Variants in PSME4 observed in about 807,000 individuals in gnomAD.
PSME4 encodes the protein proteasome activator subunit 4.
In PSME4, 89 loss-of-function variants were observed where a neutral mutation model predicts 253.9. The observed-to-expected ratio is 0.35, with a 90% CI of 0.30 to 0.42. The LOEUF is 0.42. PSME4 is among the 10% of genes least tolerant of loss of function. The pLI is 1.00. For synonymous variants in PSME4, 851 were observed against 759.2 expected (o/e 1.12, Z -1.99); for missense variants, 2,014 against 2,195.2 (o/e 0.92, Z 1.65).
rs141924008 is a variant in PSME4 at position 53,895,639 on chromosome 2, T to C, written c.3786A>G (p.Glu1262=). ...DSKTIPRTKK[E]WESSCFVEKT... ...TTTCCACAAAGCAACTTGACTCCCA[T>C]TCTTTTTTAGTTCTTGGTATAGTTT... Residue 1262 remains glutamate (E), a synonymous_variant, in exon 33 of 47, where the codon GAA becomes GAG. Transcript: ENST00000404125. 7.4e-6 allele frequency: 12 copies of C among 1,613,732 alleles called. No homozygotes were observed. In the African/African-American group the frequency reaches 1.3e-4, roughly 18 times the overall value.
chr2:53,965,526 AT>A (rs1401474929), intron 1 of PSME4, among the ~76,000 whole-genome samples: 5 of 149,442 alleles, frequency 3.3e-5, no homozygotes, highest in African/African-American at 9.8e-5. Flanking sequence ...CATCCAAGTG[AT>A]TTTTCCAGCA....
intron 3 of PSME4, among the ~76,000 whole-genome samples, chr2:53,947,452 T>C (rs1381924675): frequency 6.6e-6 from 1 of 152,212 alleles, no homozygotes; most frequent in Non-Finnish European, 1.5e-5. Flanking sequence ...ACGCCTGTAA[T>C]CCCAGCACTT....
chr2:53,906,706 T>A lies in PSME4; in HGVS notation c.2848-13A>T, dbSNP rs1279266930. ...TTAGTGTCCGTAGCTAAGAAAACAA[T>A]CGCAAACATTTACTAAAATTTGATT... is the stretch of plus-strand genomic sequence containing the variant. On this transcript the variant is annotated splice_polypyrimidine_tract_variant and intron_variant, in intron 25 of 46. Coordinates refer to ENST00000404125, the MANE Select transcript of PSME4 (RefSeq NM_014614.3). 5.0e-6 allele frequency: 8 copies of A among 1,594,542 alleles called. No individual in the cohort carries two copies. Among genetic ancestry groups the A allele is most frequent in the Non-Finnish European group, 6.8e-6 (8 of 1,172,280 alleles).
At chr2:53,950,857 AG>A (rs1177364016) in intron 1 of PSME4, among the ~76,000 whole-genome samples, 29 of 151,524 alleles carry the variant, frequency 1.9e-4, no homozygotes, top group African/African-American at 6.5e-4. Context: ...AAAAAAAAAA[AG>A]AAAAGAAAAA....
At chr2:53,897,375 G>A (rs1680192062) in intron 31 of PSME4, among the ~76,000 whole-genome samples, 2 of 151,858 alleles carry the variant, frequency 1.3e-5, no homozygotes, top group African/African-American at 4.8e-5. Flanking sequence ...CTCCATGTTG[G>A]TCAGGCTGGT....
chr2:53,910,015 C>T, intron 21 of PSME4, 60 bp downstream of exon 21: 1 of 1,306,440 alleles, frequency 7.7e-7, no homozygotes, highest in Non-Finnish European at 1.1e-6. Flanking sequence ...CATTTTAGTC[C>T]TTGTGGAGTT....
chr2:53,872,731 G>A (rs1678936275), intron 43 of PSME4, among the ~76,000 whole-genome samples: 1 of 34,772 alleles, frequency 2.9e-5, no homozygotes, highest in African/African-American at 1.2e-4. Flanking sequence ...AACAAAGCAA[G>A]ACTTGGTCTC....
At chr2:53,939,344 G>A (rs574481779) in intron 4 of PSME4, among the ~76,000 whole-genome samples, 6 of 152,032 alleles carry the variant, frequency 3.9e-5, no homozygotes, top group Admixed American at 6.6e-5. Flanking sequence ...GTTCAAGTAC[G>A]TAAAATTGAG....
chr2:53,931,047 G>A (rs1021652947), intron 10 of PSME4, among the ~76,000 whole-genome samples: 2 of 152,204 alleles, frequency 1.3e-5, no homozygotes, highest in Non-Finnish European at 2.9e-5. Flanking sequence ...GGAGGCCAAG[G>A]CGAGTGGATC....
At position 53,922,567 on chromosome 2, in the gene PSME4, C is replaced by G. The variant is rs1558686800; in HGVS notation, c.1996G>C (p.Asp666His). ...AGTAATTCCTTGTCTAGCTCTTCAT[C>G]ATTTAATACATCATCATCTAAAAAC... ...QLTMNDDVLN[D>H]EELDKELLWN... The change falls in exon 17 of 47, where the codon GAT becomes CAT. Residue 666 changes from aspartate to histidine, a missense_variant. Transcript: ENST00000404125. 1 of 1,612,758 alleles carries G rather than the reference C, an allele frequency of 6.2e-7. No individual in the cohort carries two copies. Among genetic ancestry groups the G allele is most frequent in the Non-Finnish European group, 8.5e-7 (1 of 1,179,522 alleles).
Position 53,900,074 on chromosome 2 carries a change from A to G in PSME4, c.3286-57T>C, listed in dbSNP as rs1328472054. 2.7e-6 allele frequency: 4 copies of G among 1,475,148 alleles called. No individual in the cohort carries two copies. The African/African-American group carries it at 5.6e-5, about 21-fold the overall frequency. The allele number at this position is 1,475,148 out of a possible 1,614,324, so 91.4% of individuals were successfully genotyped here. A position where few individuals can be genotyped will look rare whatever the true frequency, so the allele number is the denominator to read the frequency against. On this transcript the variant is annotated intron_variant, in intron 28 of 46. Transcript: ENST00000404125. ...TGAAGTTCTGATGCATACTACCTGA[A>G]CGAACCTTGAAAATGTCATGCTAAG...
At chr2:53,909,968 TCAAAA>T (rs956908838) in intron 21 of PSME4, 102 bp downstream of exon 21, 4 of 1,013,900 alleles carry the variant, frequency 3.9e-6, no homozygotes, top group South Asian at 1.3e-5. Context: ...AGACTCTGTC[TCAAAA>T]CAAAACAAAA....
intron 37 of PSME4, among the ~76,000 whole-genome samples, chr2:53,889,116 C>T (rs1316809465): frequency 3.9e-5 from 6 of 152,164 alleles, no homozygotes; most frequent in East Asian, 1.9e-4. Context: ...CTTCCTGCCT[C>T]GGCCTCCCAA....
chr2:53,942,491 A>C (rs1046681045), intron 3 of PSME4, among the ~76,000 whole-genome samples: 1 of 152,078 alleles, frequency 6.6e-6, no homozygotes, highest in Admixed American at 6.6e-5. Context: ...TAGTGCATAT[A>C]ATGGTTTACA....
At chr2:53,867,816 G>A (rs187829157) in intron 44 of PSME4, among the ~76,000 whole-genome samples, 8 of 151,274 alleles carry the variant, frequency 5.3e-5, no homozygotes, top group African/African-American at 1.2e-4. Flanking sequence ...TGGATGTGAC[G>A]CCCCTACCCA....
At position 53,887,351 on chromosome 2, in the gene PSME4, T is replaced by G. The variant is rs1190853529; in HGVS notation, c.4637A>C (p.Asp1546Ala). The change falls in exon 40 of 47, where the codon GAT (aspartate) becomes GCT (alanine). Residue 1546 changes from aspartate (D) to alanine (A), a missense_variant. This residue lies in a region of PSME4 where 403 missense variants were observed against 556.1 expected (regional missense o/e 0.72). Coordinates refer to ENST00000404125, the MANE Select transcript of PSME4 (RefSeq NM_014614.3). The part of the protein sequence containing the change: ...RILEKLKPLM[D>A]VDEEIQNHVM... Reference sequence around the variant, plus strand: ...ATGGTTCTGAATTTCTTCATCCACATCCATGAGAGGTTTCAATTTCTCCAG... The same window carrying G: ...ATGGTTCTGAATTTCTTCATCCACAGCCATGAGAGGTTTCAATTTCTCCAG... The G allele has an allele frequency of 3.1e-6, 5 of 1,613,940 alleles. No individual in the cohort carries two copies. The Admixed American group carries it at 8.3e-5, about 27-fold the overall frequency.
At chr2:53,921,864 T>A (rs1668339842) in intron 17 of PSME4, among the ~76,000 whole-genome samples, 1 of 51,724 alleles carries the variant, frequency 1.9e-5, no homozygotes. Context: ...CGAGACTCCG[T>A]CTCAAAAAAA....
At chr2:53,957,501 A>G (rs1275390490) in intron 1 of PSME4, among the ~76,000 whole-genome samples, 1 of 152,186 alleles carries the variant, frequency 6.6e-6, no homozygotes, top group Non-Finnish European at 1.5e-5. Context: ...AGTTCACAAC[A>G]GGGATTGTGC....
At chr2:53,879,271 A>C (rs1679272078) in intron 41 of PSME4, among the ~76,000 whole-genome samples, 1 of 152,238 alleles carries the variant, frequency 6.6e-6, no homozygotes, top group Non-Finnish European at 1.5e-5. Context: ...GAAATAATTC[A>C]AATATCTATT....
Sources: allele counts gnomAD v4.1 joint callset (sites outside exome capture counted in the v4.1 genomes callset), GRCh38; gene constraint gnomAD v4.1.1; regional missense constraint gnomAD v4.1.1; transcripts MANE v1.5; gene names NCBI Gene and HGNC (gene_info 2026-07-23, HGNC 2026-07-21).